Variants in PACRG observed in about 807,000 individuals in gnomAD.
PACRG encodes parkin coregulated.
Under a neutral mutation model 29.7 loss-of-function variants are expected in PACRG, and 29 were observed. The ratio of observed to expected loss-of-function variants is 0.98; its 90% CI spans 0.73 to 1.33. PACRG has a LOEUF of 1.33. Ranked by LOEUF, PACRG falls within the 40% of genes most tolerant of loss-of-function variation. The pLI is 0.00. For synonymous variants in PACRG, 116 were observed against 118.7 expected (o/e 0.98, Z 0.15); for missense variants, 279 against 316.2 (o/e 0.88, Z 0.89).
intron 4 of PACRG, among the ~76,000 whole-genome samples, chr6:163,163,956 C>T (rs1313779944): frequency 1.3e-5 from 2 of 151,908 alleles, no homozygotes; most frequent in Non-Finnish European, 2.9e-5. Flanking sequence ...TGTTTTTAAG[C>T]TGTCATGAAT....
chr6:162,962,535 G>A (rs1268618036), intron 2 of PACRG, among the ~76,000 whole-genome samples: 1 of 150,904 alleles, frequency 6.6e-6, no homozygotes, highest in Non-Finnish European at 1.5e-5. Flanking sequence ...TCATGAAAGT[G>A]GGGCCCCCAT....
At chr6:163,226,971 C>A (rs1397536532) in intron 4 of PACRG, among the ~76,000 whole-genome samples, 1 of 152,022 alleles carries the variant, frequency 6.6e-6, no homozygotes, top group Non-Finnish European at 1.5e-5. Flanking sequence ...GATATGCCTC[C>A]CTCAAACCTT....
intron 2 of PACRG, chr6:162,957,605 GGAA>G (rs1800153388): frequency 5.5e-6 from 1 of 180,750 alleles, no homozygotes; most frequent in Admixed American, 6.2e-5. Context: ...CGACGTCCAT[GGAA>G]GAGGCTGTGC....
chr6:163,074,147 A>G (rs2128282533), intron 3 of PACRG, among the ~76,000 whole-genome samples: 1 of 152,380 alleles, frequency 6.6e-6, no homozygotes, highest in Admixed American at 6.5e-5. Flanking sequence ...ACTATTCACA[A>G]TAACCAAGAT....
At chr6:163,067,033 A>G (rs1811604729) in intron 3 of PACRG, among the ~76,000 whole-genome samples, 1 of 152,232 alleles carries the variant, frequency 6.6e-6, no homozygotes, top group African/African-American at 2.4e-5. Flanking sequence ...GAAGGAAGGT[A>G]GACTTCTTGA....
chr6:162,730,739 A>G (rs1335974002), intron 1 of PACRG, among the ~76,000 whole-genome samples: 1 of 152,194 alleles, frequency 6.6e-6, no homozygotes, highest in Admixed American at 6.5e-5. Flanking sequence ...CTTTCTTTCC[A>G]TGAAATTTTT....
chr6:162,727,320 A>C, upstream of PACRG: 1 of 359,780 alleles, frequency 2.8e-6, no homozygotes, highest in Non-Finnish European at 5.0e-6. Context: ...GGCGAAGGTG[A>C]GGGGCGGCGG....
chr6:162,929,681 A>G (rs570854501), intron 2 of PACRG, among the ~76,000 whole-genome samples: 8 of 151,922 alleles, frequency 5.3e-5, no homozygotes, highest in South Asian at 4.2e-4. Flanking sequence ...ATTTTCCCCA[A>G]TGATCTCTCC....
rs558518306 is a variant in PACRG at position 163,191,673 on chromosome 6, C to T, written c.613+102265C>T. 25 of 456,314 alleles carry T rather than the reference C, an allele frequency of 5.5e-5. No homozygotes were observed. The East Asian group carries it at 1.4e-3, about 25-fold the overall frequency. The allele number at this position is 456,314 out of a possible 1,614,324, so 28.3% of individuals were successfully genotyped here. ...TGACTTATCTGTGGACCACACTCCA[C>T]GTGGCCATCTGTGCCTATGCTCTTC... On this transcript the variant is annotated intron_variant, in intron 4 of 4. Coordinates refer to ENST00000366888, the MANE Select transcript of PACRG (RefSeq NM_001080379.2).
Position 163,122,802 on chromosome 6 carries a change from G to C in PACRG, c.613+33394G>C, listed in dbSNP as rs371179921. On this transcript the variant is annotated intron_variant, in intron 4 of 4. Transcript: ENST00000366888. ...ATAATTAATGTGTACAATTTGGTGA[G>C]TTTGGAGGTATACATACATTTATGT... is the stretch of plus-strand genomic sequence containing the variant. 1.6e-4 allele frequency among the ~76,000 whole-genome samples: 24 copies of C among 152,350 alleles called. 1 individual carries two copies. The highest frequency in any genetic ancestry group is 5.8e-4 in the African/African-American group (24 of 41,576).
At chr6:162,971,756 G>A (rs1440982639) in intron 2 of PACRG, among the ~76,000 whole-genome samples, 1 of 152,182 alleles carries the variant, frequency 6.6e-6, no homozygotes, top group Admixed American at 6.5e-5. Flanking sequence ...ATACCCCTAG[G>A]GATGGGGGAA....
intron 4 of PACRG, chr6:163,101,417 T>C (rs1051528385): frequency 1.7e-5 from 16 of 947,954 alleles, no homozygotes; most frequent in East Asian, 1.2e-4. Context: ...ATGTTACATA[T>C]GTTTGTATGA....
intron 2 of PACRG, among the ~76,000 whole-genome samples, chr6:162,867,818 G>A (rs1197512217): frequency 6.6e-6 from 1 of 152,122 alleles, no homozygotes; most frequent in African/African-American, 2.4e-5. Flanking sequence ...GTTCTCTAAG[G>A]AGCCCTCGTC....
chr6:162,789,250 C>A (rs1784752461), intron 1 of PACRG, among the ~76,000 whole-genome samples: 1 of 152,118 alleles, frequency 6.6e-6, no homozygotes, highest in South Asian at 2.1e-4. Flanking sequence ...AAGCTTGGAA[C>A]AATTTTCAGA....
chr6:163,185,316 A>T (rs1357166019), intron 4 of PACRG, among the ~76,000 whole-genome samples: 1 of 152,212 alleles, frequency 6.6e-6, no homozygotes, highest in Non-Finnish European at 1.5e-5. Flanking sequence ...AAGAAAGATC[A>T]GGGGACATTG....
At chr6:163,090,594 A>C (rs1814011254) in intron 4 of PACRG, among the ~76,000 whole-genome samples, 1 of 152,182 alleles carries the variant, frequency 6.6e-6, no homozygotes, top group Admixed American at 6.5e-5. Flanking sequence ...CAATATTACT[A>C]CATTTGGAAA....
At chr6:163,115,575 T>G (rs520273) in intron 4 of PACRG, among the ~76,000 whole-genome samples, 109,293 of 151,846 alleles carry the variant, frequency 0.72, 40,147 homozygotes, top group African/African-American at 0.88. Flanking sequence ...TATACATGAG[T>G]GAGGAAACAA....
chr6:163,253,614 T>C (rs1343161974), intron 4 of PACRG, among the ~76,000 whole-genome samples: 4 of 152,138 alleles, frequency 2.6e-5, no homozygotes, highest in African/African-American at 9.7e-5. Flanking sequence ...CTCAGCCAGG[T>C]GGTGGTCAAA....
chr6:162,974,016 T>G (rs1801749398), intron 2 of PACRG, among the ~76,000 whole-genome samples: 1 of 152,192 alleles, frequency 6.6e-6, no homozygotes, highest in South Asian at 2.1e-4. Context: ...GTACCCTTTT[T>G]CATTTGAAAT....
Sources: gnomAD v4.1 joint callset for allele counts (sites outside exome capture counted in the v4.1 genomes callset) on GRCh38, gnomAD v4.1.1 for gene constraint, MANE v1.5 for transcripts, NCBI Gene and HGNC (gene_info 2026-07-23, HGNC 2026-07-21) for gene names.